The following HTR2C variants were observed in gnomAD, a reference collection of about 807,000 sequenced individuals.
HTR2C encodes the protein 5-hydroxytryptamine receptor 2C.
In HTR2C, 5 loss-of-function variants were observed where a neutral mutation model predicts 21.0. That is an observed-to-expected ratio of 0.24 (90% CI 0.12 to 0.50). HTR2C has a LOEUF of 0.50. HTR2C is among the 20% of genes least tolerant of loss of function. The probability of loss-of-function intolerance (pLI) is 0.98; values close to 1 mark genes in which losing one functional copy is unlikely to be tolerated. For missense variants in HTR2C, 271 were observed against 371.2 expected (o/e 0.73, Z 2.22); for synonymous variants, 150 against 145.3 (o/e 1.03, Z -0.23).
At position 114,909,283 on chromosome X, in the gene HTR2C, C is replaced by T. The variant is rs1365176512; in HGVS notation, c.*1868C>T. 2.7e-5 allele frequency: 3 copies of T among 112,208 alleles called. No individual in the cohort carries two copies. Among genetic ancestry groups the T allele is most frequent in the African/African-American group, 9.7e-5 (3 of 30,847 alleles). The allele number at this position is 112,208 out of a possible 1,213,427, so 9.2% of individuals were successfully genotyped here. A position where few individuals can be genotyped will look rare whatever the true frequency, so the allele number is the denominator to read the frequency against. ...CAGAATGAGATGATTTAATTCTTAC[C>T]GAAATGAAAATGGCTGAAGAAACAC... On this transcript the variant is annotated 3_prime_UTR_variant, in exon 6 of 6. Coordinates refer to ENST00000276198, the MANE Select transcript of HTR2C (RefSeq NM_000868.4).
chrX:114,849,504 T>C (rs188173074), intron 5 of HTR2C, among the ~76,000 whole-genome samples: 12 of 112,372 alleles, frequency 1.1e-4, no homozygotes, highest in African/African-American at 3.9e-4. Flanking sequence ...AATGATGCAT[T>C]ATAAACCTGA....
chrX:114,798,473 G>A (rs782688174), intron 4 of HTR2C, among the ~76,000 whole-genome samples: 1 of 111,547 alleles, frequency 9.0e-6, no homozygotes, highest in South Asian at 3.7e-4. Context: ...ATTTTCCCTA[G>A]GATGTATGTA....
At position 114,815,409 on chromosome X, in the gene HTR2C, T is replaced by A. The variant is rs189187380; in HGVS notation, c.350-32594T>A. On this transcript the variant is annotated intron_variant, in intron 4 of 5. Coordinates refer to ENST00000276198, the MANE Select transcript of HTR2C (RefSeq NM_000868.4). Reference sequence around the variant, plus strand: ...ATGTAAACGTGGTGGAGACTGTTCTTAAAATCTTGTGCAAATCCTGTAAAA... The same window carrying A: ...ATGTAAACGTGGTGGAGACTGTTCTAAAAATCTTGTGCAAATCCTGTAAAA... Among the ~76,000 whole-genome samples the A allele has an allele frequency of 6.7e-3, 743 of 111,625 alleles. 4 individuals carry two copies. Among genetic ancestry groups the A allele is most frequent in the South Asian group, 0.015 (40 of 2,720 alleles).
chrX:114,786,328 C>T (rs973952763), intron 4 of HTR2C, among the ~76,000 whole-genome samples: 1 of 111,464 alleles, frequency 9.0e-6, no homozygotes, highest in Non-Finnish European at 1.9e-5. Flanking sequence ...GGTGTATAGC[C>T]TACAGAAAGG....
At chrX:114,767,244 A>G (rs964186506) in intron 4 of HTR2C, among the ~76,000 whole-genome samples, 1 of 111,083 alleles carries the variant, frequency 9.0e-6, no homozygotes, top group African/African-American at 3.3e-5. Flanking sequence ...TAAAGCAGAA[A>G]GAGTATTCTG....
intron 4 of HTR2C, among the ~76,000 whole-genome samples, chrX:114,744,483 C>T (rs781852806): frequency 7.7e-5 from 8 of 103,664 alleles, no homozygotes; most frequent in Non-Finnish European, 1.2e-4. Flanking sequence ...GACGGAGTCA[C>T]GCTTTGTCGC....
intron 2 of HTR2C, among the ~76,000 whole-genome samples, chrX:114,631,334 C>T (rs782194848): frequency 9.1e-6 from 1 of 109,923 alleles, no homozygotes; most frequent in South Asian, 3.9e-4. Flanking sequence ...TGACTATGTC[C>T]GTACCAGGTT....
chrX:114,714,547 A>G (rs1932948558), intron 2 of HTR2C, among the ~76,000 whole-genome samples: 1 of 112,091 alleles, frequency 8.9e-6, no homozygotes, highest in Non-Finnish European at 1.9e-5. Context: ...AGAATACTCA[A>G]GTTAAAAGTC....
chrX:114,809,356 T>C (rs1388056768), intron 4 of HTR2C, among the ~76,000 whole-genome samples: 2 of 105,422 alleles, frequency 1.9e-5, no homozygotes, highest in Non-Finnish European at 3.9e-5. Context: ...AGTCAGCTTA[T>C]GGTAAATGCT....
intron 4 of HTR2C, chrX:114,776,115 A>G: frequency 2.0e-6 from 1 of 496,966 alleles, no homozygotes; most frequent in Non-Finnish European, 3.6e-6. Context: ...ATGTCTCCAG[A>G]TTTGACCTCA....
intron 5 of HTR2C, among the ~76,000 whole-genome samples, chrX:114,867,481 C>T (rs1556474976): frequency 1.8e-5 from 2 of 110,387 alleles, no homozygotes; most frequent in African/African-American, 3.3e-5. Flanking sequence ...TTGATTGTAC[C>T]CTTTGTTGTG....
At chrX:114,686,091 A>G (rs782181440) in intron 2 of HTR2C, among the ~76,000 whole-genome samples, 1 of 111,686 alleles carries the variant, frequency 9.0e-6, no homozygotes, top group African/African-American at 3.2e-5. Context: ...CCCTATTAGC[A>G]TTCACCACTT....
chrX:114,605,901 G>A (rs1308501095), intron 1 of HTR2C, among the ~76,000 whole-genome samples: 1 of 106,217 alleles, frequency 9.4e-6, no homozygotes, highest in African/African-American at 3.5e-5. Context: ...GAGGTTGGGG[G>A]GCAGAAATAA....
chrX:114,717,000 T>C (rs180960992), intron 2 of HTR2C, among the ~76,000 whole-genome samples: 1 of 111,824 alleles, frequency 8.9e-6, no homozygotes, highest in Non-Finnish European at 1.9e-5. Context: ...CAAACTTCTA[T>C]ATGTATTATT....
chrX:114,675,824 G>A (rs140220005), intron 2 of HTR2C, among the ~76,000 whole-genome samples: 1,235 of 107,229 alleles, frequency 0.012, 15 homozygotes, highest in African/African-American at 0.04. Flanking sequence ...ATATTATTAT[G>A]TTGAAAGATT....
chrX:114,707,082 T>C (rs781908382), intron 2 of HTR2C, among the ~76,000 whole-genome samples: 4 of 111,924 alleles, frequency 3.6e-5, no homozygotes, highest in African/African-American at 1.3e-4. Flanking sequence ...TGTCAATGAC[T>C]ACAAGCCAGC....
At chrX:114,805,865 C>CCATATATACCATATATATAA (rs2070414441) in intron 4 of HTR2C, among the ~76,000 whole-genome samples, 2 of 88,535 alleles carry the variant, frequency 2.3e-5, no homozygotes, top group Non-Finnish European at 4.3e-5. Flanking sequence ...CATATATATA[C>CCATATATACCATATATATAA]CATATATATA....
intron 1 of HTR2C, among the ~76,000 whole-genome samples, chrX:114,610,512 A>C (rs782766424): frequency 1.8e-5 from 2 of 112,089 alleles, no homozygotes; most frequent in Admixed American, 9.5e-5. Context: ...ACTTAATGTC[A>C]CCTCATAAAT....
intron 4 of HTR2C, among the ~76,000 whole-genome samples, chrX:114,778,808 CAG>C (rs1256594641): frequency 9.0e-6 from 1 of 111,250 alleles, no homozygotes; most frequent in African/African-American, 3.3e-5. Context: ...CTTCAGGACA[CAG>C]ATGGAGGGCT....
Sources: gnomAD v4.1 joint callset for allele counts (sites outside exome capture counted in the v4.1 genomes callset) on GRCh38, gnomAD v4.1.1 for gene constraint, MANE v1.5 for transcripts, NCBI Gene and HGNC (gene_info 2026-07-23, HGNC 2026-07-21) for gene names.